The following RIMS2 variants were observed in gnomAD, a reference collection of about 807,000 sequenced individuals.
RIMS2 encodes the protein regulating synaptic membrane exocytosis protein 2.
Under a neutral mutation model 174.4 loss-of-function variants are expected in RIMS2, and 59 were observed. The observed-to-expected ratio is 0.34, with a 90% CI of 0.27 to 0.42. RIMS2 has a LOEUF of 0.42. RIMS2 is among the 10% of genes least tolerant of loss of function. The pLI is 1.00. For synonymous variants in RIMS2, 606 were observed against 572.5 expected, an observed-to-expected ratio of 1.06 and a Z score of -0.84; for missense variants, 1,620 against 1,666.3, an observed-to-expected ratio of 0.97 and a Z score of 0.48.
chr8:104,251,743 A>G (rs776255424), exon 24 of RIMS2: 5 of 1,612,598 alleles, frequency 3.1e-6, no homozygotes, highest in Admixed American at 3.3e-5. Context: ...AGTAGATCCA[A>G]CCTTGGCCCC....
intron 3 of RIMS2, among the ~76,000 whole-genome samples, chr8:103,818,799 A>G (rs73293812): frequency 6.6e-6 from 1 of 152,170 alleles, no homozygotes; most frequent in Non-Finnish European, 1.5e-5. Flanking sequence ...ATAAGAAATT[A>G]AAACACCTAA....
At position 104,236,066 on chromosome 8, in the gene RIMS2, A is replaced by ATTT. The variant is rs10699488; in HGVS notation, c.3335-8839_3335-8837dup. On this transcript the variant is annotated intron_variant, in intron 19 of 23. Coordinates refer to ENST00000504942, the Ensembl canonical transcript of RIMS2. The stretch of plus-strand genomic sequence containing the variant: ...TCTTGTAGAATGTCCAACATTCTGG[A>ATTT]TTTTTTTTTTTTTATCATTCTCTCT... Among the ~76,000 whole-genome samples, 913 of 146,554 alleles carry ATTT rather than the reference A, an allele frequency of 6.2e-3. 8 individuals are homozygous for ATTT. Among genetic ancestry groups the ATTT allele is most frequent in the Non-Finnish European group, 8.6e-3 (568 of 66,252 alleles).
At chr8:104,150,502 C>G (rs548067955) in intron 19 of RIMS2, among the ~76,000 whole-genome samples, 1 of 152,102 alleles carries the variant, frequency 6.6e-6, no homozygotes, top group Non-Finnish European at 1.5e-5. Flanking sequence ...GGCCACTTGA[C>G]TCAACCTGGA....
intron 19 of RIMS2, among the ~76,000 whole-genome samples, chr8:104,133,168 A>T (rs541156157): frequency 6.6e-6 from 1 of 152,320 alleles, no homozygotes; most frequent in African/African-American, 2.4e-5. Flanking sequence ...CTGTATTTGT[A>T]CCATTTTAAG....
chr8:103,989,138 C>T (rs17817645), intron 16 of RIMS2, among the ~76,000 whole-genome samples, 167 bp from the exon 19 acceptor site: 19,338 of 152,162 alleles, frequency 0.13, 1,708 homozygotes, highest in Non-Finnish European at 0.19. Context: ...TAACTGTCAA[C>T]CTTCCACTGA....
At chr8:103,585,949 A>G (rs554227156) in intron 1 of RIMS2, among the ~76,000 whole-genome samples, 2 of 152,054 alleles carry the variant, frequency 1.3e-5, no homozygotes, top group East Asian at 3.9e-4. Context: ...GTCCCTATTC[A>G]TATATCAAGC....
At chr8:104,147,939 T>C (rs2098655962) in intron 19 of RIMS2, among the ~76,000 whole-genome samples, 1 of 152,252 alleles carries the variant, frequency 6.6e-6, no homozygotes, top group South Asian at 2.1e-4. Flanking sequence ...GGAAAACTGA[T>C]AATGATTTTT....
chr8:104,012,149 T>A (rs190743948), intron 17 of RIMS2, among the ~76,000 whole-genome samples: 2 of 151,902 alleles, frequency 1.3e-5, no homozygotes, highest in East Asian at 1.9e-4. Context: ...AGAAAGTAAA[T>A]CACATGATAG....
intron 19 of RIMS2, among the ~76,000 whole-genome samples, chr8:104,031,696 C>G (rs566144833): frequency 6.6e-6 from 1 of 152,058 alleles, no homozygotes; most frequent in East Asian, 1.9e-4. Context: ...CATGGGAAGA[C>G]CAGCAGAAAA....
At chr8:103,941,847 T>C (rs2154538298) in intron 13 of RIMS2, among the ~76,000 whole-genome samples, 1 of 152,336 alleles carries the variant, frequency 6.6e-6, no homozygotes, top group African/African-American at 2.4e-5. Context: ...GGTGTGACCT[T>C]AGACAAGTTC....
chr8:104,184,098 T>C (rs16871036), intron 19 of RIMS2, among the ~76,000 whole-genome samples: 13,295 of 151,726 alleles, frequency 0.088, 718 homozygotes, highest in African/African-American at 0.14. Flanking sequence ...AACAATGTGC[T>C]ATCTATGTCA....
At chr8:103,964,743 C>T (rs147335560) in intron 15 of RIMS2, among the ~76,000 whole-genome samples, 246 of 152,152 alleles carry the variant, frequency 1.6e-3, no homozygotes, top group African/African-American at 5.5e-3. Context: ...TATTGCCATA[C>T]CCAAGGTTAT....
intron 4 of RIMS2, among the ~76,000 whole-genome samples, chr8:103,898,124 C>T (rs964922063): frequency 1.3e-5 from 2 of 151,684 alleles, no homozygotes; most frequent in Non-Finnish European, 2.9e-5. Flanking sequence ...AAAAATTTCT[C>T]TGGTGTTACA....
chr8:103,590,574 CA>C (rs1297722941), intron 1 of RIMS2, among the ~76,000 whole-genome samples: 1 of 150,902 alleles, frequency 6.6e-6, no homozygotes, highest in Non-Finnish European at 1.5e-5. Flanking sequence ...AGTGAACACC[CA>C]TATACCCACC....
chr8:103,603,145 C>T (rs1458533719), intron 1 of RIMS2, among the ~76,000 whole-genome samples: 1 of 111,800 alleles, frequency 8.9e-6, no homozygotes, highest in Non-Finnish European at 1.7e-5. Context: ...TATCCCTCCC[C>T]CCTCCCCCCA....
intron 17 of RIMS2, among the ~76,000 whole-genome samples, chr8:103,998,735 C>T (rs1311306135): frequency 2.0e-5 from 3 of 151,662 alleles, no homozygotes; most frequent in African/African-American, 4.8e-5. Flanking sequence ...TAATCTACTC[C>T]TTTGTCATAG....
intron 19 of RIMS2, among the ~76,000 whole-genome samples, chr8:104,030,352 A>G (rs1379528121): frequency 6.6e-6 from 1 of 152,158 alleles, no homozygotes; most frequent in Non-Finnish European, 1.5e-5. Flanking sequence ...TCAAATATAT[A>G]TAATTAATAA....
intron 1 of RIMS2, among the ~76,000 whole-genome samples, chr8:103,643,584 G>T (rs1331263228): frequency 6.6e-6 from 1 of 152,090 alleles, no homozygotes; most frequent in Non-Finnish European, 1.5e-5. Flanking sequence ...TGTAGCTGTG[G>T]TGTCAGAGGC....
intron 16 of RIMS2, among the ~76,000 whole-genome samples, chr8:103,987,016 C>A (rs1401740607): frequency 6.6e-6 from 1 of 152,076 alleles, no homozygotes; most frequent in Non-Finnish European, 1.5e-5. Flanking sequence ...TAAGTTTTAA[C>A]CAAGTTTTTG....
Sources: allele counts gnomAD v4.1 joint callset (sites outside exome capture counted in the v4.1 genomes callset), GRCh38; gene constraint gnomAD v4.1.1; transcripts MANE v1.5; gene names NCBI Gene and HGNC (gene_info 2026-07-23, HGNC 2026-07-21).